Variants in COL1A1 observed in about 807,000 individuals in gnomAD.
COL1A1 encodes the protein collagen alpha-1(I) chain.
In COL1A1, 21 loss-of-function variants were observed where a neutral mutation model predicts 195.7. The observed-to-expected ratio is 0.11, with a 90% CI of 0.08 to 0.15. The LOEUF (loss-of-function observed/expected upper bound fraction) is 0.15, where lower values mean the gene tolerates loss of function less well. Among genes scored for constraint, COL1A1 ranks in the 10% least tolerant of loss-of-function variants. The pLI is 1.00. For synonymous variants in COL1A1, 749 were observed against 747.3 expected (o/e 1.00, Z -0.04); for missense variants, 1,365 against 2,051.0 (o/e 0.67, Z 6.46).
In COL1A1 at chr17:50,197,764, G is replaced by A. The variant is rs1907720537; in HGVS notation, c.664C>T (p.Pro222Ser). Residue 222 changes from proline (P) to serine (S), a missense_variant, in exon 9 of 51, where the codon CCC becomes TCC. Pro to Ser is a moderately conservative substitution (Grantham distance 74, BLOSUM62 -1). This residue lies in a region of COL1A1 where 226 missense variants were observed against 372.9 expected (regional missense o/e 0.61). Coordinates refer to ENST00000225964, the MANE Select transcript of COL1A1 (RefSeq NM_000088.4). ...GASGPMGPRG[P>S]PGPPGKNGDD... is the part of the protein sequence containing the mutation. ...CCATTCTTTCCAGGGGGACCTGGGGGACCTCGGGGACCCATGGGACCCTAG... is the reference window on the plus strand; with the variant it reads ...CCATTCTTTCCAGGGGGACCTGGGGAACCTCGGGGACCCATGGGACCCTAG... 2.5e-6 allele frequency: 4 copies of A among 1,602,122 alleles called. No individual in the cohort carries two copies. The highest frequency in any genetic ancestry group is 3.4e-6 in the Non-Finnish European group (4 of 1,176,458).
At position 50,201,532 on chromosome 17, in the gene COL1A1, T is replaced by G; in HGVS notation, c.-19A>C. On this transcript the variant is annotated 5_prime_UTR_variant, in exon 1 of 51. Coordinates refer to ENST00000225964, the MANE Select transcript of COL1A1 (RefSeq NM_000088.4). ...TGAACATGTCTAGACCCTAGACATG[T>G]AGACTCTTTGTGGCTGGGGAGGGGG... The G allele has an allele frequency of 4.4e-6, 7 of 1,602,990 alleles. No homozygotes were observed. Among genetic ancestry groups the G allele is most frequent in the Non-Finnish European group, 6.0e-6 (7 of 1,175,578 alleles).
At chr17:50,191,641 C>T in intron 31 of COL1A1, 147 bp downstream of exon 31, 2 of 1,109,706 alleles carry the variant, frequency 1.8e-6, no homozygotes, top group Non-Finnish European at 2.7e-6. Context: ...AGACTCCAGG[C>T]TGTGTGTGGG....
At chr17:50,191,607 A>G in intron 31 of COL1A1, 117 bp from the exon 32 acceptor site, 1 of 1,149,280 alleles carries the variant, frequency 8.7e-7, no homozygotes, top group South Asian at 1.3e-5. Flanking sequence ...AAGCCTTGAG[A>G]AAAGATGAAA....
At chr17:50,199,354 G>C in intron 4 of COL1A1, 27 bp from the exon 5 acceptor site, 1 of 1,597,908 alleles carries the variant, frequency 6.3e-7, no homozygotes, top group Non-Finnish European at 8.5e-7. Flanking sequence ...CGGGGCCGGG[G>C]TGAGCGTGGG....
intron 9 of COL1A1, 135 bp downstream of exon 9, chr17:50,197,597 G>A: frequency 1.3e-6 from 1 of 754,712 alleles, no homozygotes; most frequent in Non-Finnish European, 2.3e-6. Flanking sequence ...ATTGTTCCAG[G>A]GCAGTCCGTG....
Position 50,199,605 on chromosome 17 carries a change from G to GC in COL1A1, c.299-16_299-15insG, listed in dbSNP as rs1430169244. On this transcript the variant is annotated splice_polypyrimidine_tract_variant and intron_variant, in intron 2 of 50. Transcript: ENST00000225964. ...GGTGGGTGACTCTAGGGGACGAAGA[G>GC]ACGCGCGTTAGAGCCAAGGTTTGCT... The GC allele has an allele frequency of 1.2e-6, 2 of 1,614,108 alleles. No individual in the cohort carries two copies. The highest frequency in any genetic ancestry group is 3.3e-5 in the Admixed American group (2 of 60,034).
chr17:50,199,181 A>G, intron 5 of COL1A1, 45 bp downstream of exon 5: 1 of 1,429,634 alleles, frequency 7.0e-7, no homozygotes, highest in South Asian at 1.6e-5. Flanking sequence ...CCAAAAAACA[A>G]AAACAAAACA....
chr17:50,186,083 C>T lies in COL1A1; in HGVS notation c.4006-63G>A, dbSNP rs1308953146. The T allele has an allele frequency of 1.1e-5, 18 of 1,599,848 alleles. No individual in the cohort carries two copies. The highest frequency in any genetic ancestry group is 1.4e-5 in the Non-Finnish European group (17 of 1,177,874). On this transcript the variant is annotated intron_variant, in intron 49 of 50. Coordinates refer to ENST00000225964, the MANE Select transcript of COL1A1 (RefSeq NM_000088.4). This position sits in a 1 kb window ranked among gnomAD's most constrained non-coding sequence, Gnocchi z 5.3. ...TGCGGGAACCTCTAGTCCTGCCTGGCCTCCCTGTCCAGGGTCCTCAGAGAG... is the reference window on the plus strand; with the variant it reads ...TGCGGGAACCTCTAGTCCTGCCTGGTCTCCCTGTCCAGGGTCCTCAGAGAG...
chr17:50,200,098 T>C, intron 1 of COL1A1, 151 bp from the exon 2 acceptor site: 1 of 856,858 alleles, frequency 1.2e-6, no homozygotes, highest in Non-Finnish European at 1.9e-6. Flanking sequence ...GCTCGCCTGC[T>C]CCTCATCAGC....
rs1266313465 is a variant in COL1A1 at position 50,189,160 on chromosome 17, G to A, written c.2937+8C>T. Reference sequence around the variant, plus strand: ...CTCAGGGCCCCCCAAGGTGAGGGGGGCACTTACAGAGGGGCCAGGAAGACC... The same window carrying A: ...CTCAGGGCCCCCCAAGGTGAGGGGGACACTTACAGAGGGGCCAGGAAGACC... On this transcript the variant is annotated splice_region_variant and intron_variant, in intron 40 of 50. Coordinates refer to ENST00000225964, the MANE Select transcript of COL1A1 (RefSeq NM_000088.4). The surrounding 1 kb of genome is among the most constrained non-coding windows in gnomAD (Gnocchi z 5.5). The A allele has an allele frequency of 1.4e-5, 22 of 1,612,688 alleles. No homozygotes were observed. The highest frequency in any genetic ancestry group is 1.8e-5 in the Non-Finnish European group (21 of 1,179,008).
Position 50,188,971 on chromosome 17 carries a change from C to T in COL1A1, c.2977G>A (p.Glu993Lys), listed in dbSNP as rs62062995. Residue 993 changes from glutamate to lysine, a missense_variant, in exon 41 of 51, where the codon GAA becomes AAA. Glu to Lys is a moderately conservative substitution (Grantham distance 56, BLOSUM62 1). Transcript: ENST00000225964. The surrounding 1 kb of genome is among the most constrained non-coding windows in gnomAD (Gnocchi z 5.6). ...GKQGPSGASG[E>K]RGPPGPMGPP... ...CCCATGGGACCAGGGGGACCACGTT[C>T]ACCACTTGCTCCAGAGGGACCTTGT... 1.2e-6 allele frequency: 2 copies of T among 1,613,612 alleles called. No individual in the cohort carries two copies. Among genetic ancestry groups the T allele is most frequent in the East Asian group, 2.2e-5 (1 of 44,852 alleles).
chr17:50,192,296 A>G, intron 29 of COL1A1, 179 bp downstream of exon 29: 4 of 783,166 alleles, frequency 5.1e-6, no homozygotes, highest in South Asian at 1.5e-5. Flanking sequence ...GAAGTCACCC[A>G]GACTAGCAAT....
Position 50,201,628 on chromosome 17 carries a change from C to T in COL1A1, c.-115G>A, listed in dbSNP as rs886053164. 1.0e-5 allele frequency: 9 copies of T among 888,630 alleles called. No individual in the cohort carries two copies. The highest frequency in any genetic ancestry group is 1.5e-5 in the Non-Finnish European group (9 of 590,014). The allele number at this position is 888,630 out of a possible 1,614,324, so 55.0% of individuals were successfully genotyped here. A position where few individuals can be genotyped will look rare whatever the true frequency, so the allele number is the denominator to read the frequency against. On this transcript the variant is annotated 5_prime_UTR_variant, in exon 1 of 51. Coordinates refer to ENST00000225964, the MANE Select transcript of COL1A1 (RefSeq NM_000088.4). ...TCCGACCCCGAGGAGAAACTCCCGTCTGCTCCGACGACTGGCCCGGGCCCC... is the reference window on the plus strand; with the variant it reads ...TCCGACCCCGAGGAGAAACTCCCGTTTGCTCCGACGACTGGCCCGGGCCCC...
In COL1A1 at chr17:50,184,712, A is replaced by T; in HGVS notation, c.*790T>A. On this transcript the variant is annotated 3_prime_UTR_variant, in exon 51 of 51. Coordinates refer to ENST00000225964, the MANE Select transcript of COL1A1 (RefSeq NM_000088.4). ...TGACACATCAAGACAAGAACGAGGT[A>T]GTCTTTCAGCAACACAGTTACACAA... 1 of 230,736 alleles carries T rather than the reference A, an allele frequency of 4.3e-6. No homozygotes were observed. The highest frequency in any genetic ancestry group is 8.6e-6 in the Non-Finnish European group (1 of 116,328). 14.3% of individuals were successfully genotyped at this position (230,736 alleles called of 1,614,324 possible).
chr17:50,190,655 T>A lies in COL1A1; in HGVS notation c.2344-59A>T. The A allele has an allele frequency of 6.3e-7, 1 of 1,586,210 alleles. No homozygotes were observed. ...GCCTCCCCTGAATACTCCTAGTAGA[T>A]GACCCCAGGAGAGCCTCCCCTCCTT... is the stretch of plus-strand genomic sequence containing the variant. On this transcript the variant is annotated intron_variant, in intron 33 of 50. Coordinates refer to ENST00000225964, the MANE Select transcript of COL1A1 (RefSeq NM_000088.4). The surrounding 1 kb of genome is among the most constrained non-coding windows in gnomAD (Gnocchi z 4.7).
Position 50,186,887 on chromosome 17 carries a change from A to C in COL1A1, c.3567T>G (p.Pro1189=). The C allele has an allele frequency of 6.2e-7, 1 of 1,613,942 alleles. No individual in the cohort carries two copies. The change falls in exon 48 of 51, where the codon CCT becomes CCG. Residue 1189 remains proline, a synonymous_variant. Coordinates refer to ENST00000225964, the MANE Select transcript of COL1A1 (RefSeq NM_000088.4). This position sits in a 1 kb window ranked among gnomAD's most constrained non-coding sequence, Gnocchi z 5.3. ...AGTCGAAACCAGCGCTGGGAGGACC[A>C]GGGGGACCAGGAGGTCCAGGAGGGC... The part of the protein sequence containing the change: ...PPGPPGPPGP[P]GPPSAGFDFS...
In COL1A1 at chr17:50,184,593, C is replaced by T. The variant is rs377759600; in HGVS notation, c.*909G>A. ...TCTATAGCACCAGTGATTCCCTCCC[C>T]ACCCCACCCATCACATAGATGTAGC... On this transcript the variant is annotated 3_prime_UTR_variant, in exon 51 of 51. Coordinates refer to ENST00000225964, the MANE Select transcript of COL1A1 (RefSeq NM_000088.4). The T allele has an allele frequency of 2.6e-5, 6 of 229,094 alleles. 1 individual carries two copies. Among genetic ancestry groups the T allele is most frequent in the South Asian group, 3.7e-4 (2 of 5,476 alleles). 14.2% of individuals were successfully genotyped at this position (229,094 alleles called of 1,614,324 possible). A position where few individuals can be genotyped will look rare whatever the true frequency, so the allele number is the denominator to read the frequency against.
At chr17:50,191,930 G>A (rs1280031025) in intron 30 of COL1A1, 44 bp from the exon 31 acceptor site, 1 of 1,608,704 alleles carries the variant, frequency 6.2e-7, no homozygotes, top group Admixed American at 1.7e-5. Flanking sequence ...TCTGGAGATA[G>A]GGCCAAGTAC....
At chr17:50,201,338 A>G (rs1908076849) in intron 1 of COL1A1, 73 bp downstream of exon 1, 2 of 1,385,768 alleles carry the variant, frequency 1.4e-6, no homozygotes, top group Non-Finnish European at 2.0e-6. Context: ...TCTCGTTTTA[A>G]GCCGCGGCCC....
Sources: allele counts gnomAD v4.1 joint callset, GRCh38; gene constraint gnomAD v4.1.1; regional missense constraint gnomAD v4.1.1; non-coding constraint Gnocchi (gnomAD v3.1); transcripts MANE v1.5; gene names NCBI Gene and HGNC (gene_info 2026-07-23, HGNC 2026-07-21).